Variants in CCSER1 observed in about 807,000 individuals in gnomAD.
CCSER1 encodes coiled-coil serine rich protein 1, also known as serine-rich coiled-coil domain-containing protein 1.
Under a neutral mutation model 82.0 loss-of-function variants are expected in CCSER1, and 41 were observed. The observed-to-expected ratio is 0.50, with a 90% CI of 0.39 to 0.65. CCSER1 has a LOEUF of 0.65. Among genes scored for constraint, CCSER1 ranks in the 30% least tolerant of loss-of-function variants. CCSER1 has a pLI of 0.00. For missense variants in CCSER1, 1,119 were observed against 1,064.2 expected (o/e 1.05, Z -0.72); for synonymous variants, 414 against 383.9 (o/e 1.08, Z -0.92).
chr4:90,779,184 T>C (rs749470083), intron 7 of CCSER1, among the ~76,000 whole-genome samples: 2 of 152,238 alleles, frequency 1.3e-5, no homozygotes, highest in Admixed American at 6.5e-5. Context: ...GTATTTCAAG[T>C]GCCATTCAAT....
At chr4:90,945,247 T>G (rs2150339356) in intron 9 of CCSER1, among the ~76,000 whole-genome samples, 1 of 152,224 alleles carries the variant, frequency 6.6e-6, no homozygotes, top group African/African-American at 2.4e-5. Context: ...TAATTTAAAT[T>G]TATATATCAT....
At chr4:90,365,809 A>T (rs371128906) in intron 3 of CCSER1, among the ~76,000 whole-genome samples, 2 of 151,912 alleles carry the variant, frequency 1.3e-5, no homozygotes, top group South Asian at 2.1e-4. Flanking sequence ...CTTGATAATC[A>T]TAATCGATAA....
At chr4:90,867,360 G>T (rs1007879759) in intron 8 of CCSER1, among the ~76,000 whole-genome samples, 1 of 151,898 alleles carries the variant, frequency 6.6e-6, no homozygotes, top group Non-Finnish European at 1.5e-5. Context: ...ATATTTAACC[G>T]CATTCAATTT....
Position 91,569,282 on chromosome 4 carries a change from T to C in CCSER1, c.2218-29290T>C, listed in dbSNP as rs557441055. On this transcript the variant is annotated intron_variant, in intron 10 of 10. Coordinates refer to ENST00000509176, the MANE Select transcript of CCSER1 (RefSeq NM_001145065.2). ...AAGTGTGGGTTCCTCTCCCCTTGAG[T>C]GCTGGCTGTAGATTGCAACTTGACA... Among the ~76,000 whole-genome samples, 3 of 152,190 alleles carry C rather than the reference T, an allele frequency of 2.0e-5. No individual in the cohort carries two copies. In the South Asian group the frequency reaches 6.2e-4, roughly 32 times the overall value.
chr4:90,146,552 A>T (rs1249923754), intron 1 of CCSER1, among the ~76,000 whole-genome samples: 1 of 152,066 alleles, frequency 6.6e-6, no homozygotes, highest in Non-Finnish European at 1.5e-5. Context: ...AAAGATACAC[A>T]TTAAATAATA....
chr4:90,891,451 ATTAT>A (rs1164307337), intron 8 of CCSER1, among the ~76,000 whole-genome samples: 2 of 151,668 alleles, frequency 1.3e-5, no homozygotes, highest in East Asian at 3.9e-4. Context: ...TAATTTTTAA[ATTAT>A]TTATAAGGAT....
At chr4:91,010,183 A>G (rs1738891002) in intron 9 of CCSER1, among the ~76,000 whole-genome samples, 1 of 152,090 alleles carries the variant, frequency 6.6e-6, no homozygotes, top group African/African-American at 2.4e-5. Flanking sequence ...CCCAAGTGGC[A>G]GGGTTTTTTT....
intron 10 of CCSER1, among the ~76,000 whole-genome samples, chr4:91,356,966 G>C (rs1205309114): frequency 6.6e-6 from 1 of 151,836 alleles, no homozygotes; most frequent in African/African-American, 2.4e-5. Flanking sequence ...GGGACAATCA[G>C]GGTCTCTAAC....
In CCSER1 at chr4:91,085,992, G is replaced by A; in HGVS notation, c.2215G>A (p.Glu739Lys). 1 of 1,522,642 alleles carries A rather than the reference G, an allele frequency of 6.6e-7. No individual in the cohort carries two copies. 94.3% of individuals were successfully genotyped at this position (1,522,642 alleles called of 1,614,324 possible). The change falls in exon 10 of 11, where the codon GAG (glutamate) becomes AAG (lysine). Residue 739 changes from glutamate (E) to lysine (K), a missense_variant and splice_region_variant. Glu to Lys is a moderately conservative substitution (Grantham distance 56, BLOSUM62 1). Transcript: ENST00000509176. ...KRLETVQGGR[E>K]ATYRNRIVSQ... ...ACTAGAGACAGTACAAGGAGGGAGA[G>A]AGGTAAGAATGTTTAAAGAAGAGGG...
intron 7 of CCSER1, among the ~76,000 whole-genome samples, chr4:90,796,706 G>T (rs1756092079): frequency 6.6e-6 from 1 of 152,066 alleles, no homozygotes; most frequent in Admixed American, 6.6e-5. Context: ...TTATTTCAAA[G>T]AACTTTCTGA....
intron 10 of CCSER1, among the ~76,000 whole-genome samples, chr4:91,133,866 C>T (rs974919907): frequency 3.3e-5 from 5 of 152,018 alleles, no homozygotes; most frequent in East Asian, 1.9e-4. Flanking sequence ...TTTGGGAGGC[C>T]GAGGCAGGCG....
chr4:90,956,429 A>G (rs2150364033), intron 9 of CCSER1, among the ~76,000 whole-genome samples: 1 of 152,296 alleles, frequency 6.6e-6, no homozygotes, highest in South Asian at 2.1e-4. Flanking sequence ...TGTGGGTGGC[A>G]TAGGTAGGTA....
intron 7 of CCSER1, among the ~76,000 whole-genome samples, chr4:90,745,061 C>T (rs1300768325): frequency 6.6e-6 from 1 of 151,968 alleles, no homozygotes; most frequent in Non-Finnish European, 1.5e-5. Flanking sequence ...TAAAACAGCA[C>T]ACATTTAGTA....
At chr4:91,184,063 G>T (rs1334053309) in intron 10 of CCSER1, among the ~76,000 whole-genome samples, 2 of 152,194 alleles carry the variant, frequency 1.3e-5, no homozygotes, top group Admixed American at 6.5e-5. Flanking sequence ...TATGAATTTT[G>T]TCAGGAGCTA....
At chr4:90,314,240 G>A (rs530640038) in intron 3 of CCSER1, among the ~76,000 whole-genome samples, 1 of 152,236 alleles carries the variant, frequency 6.6e-6, no homozygotes, top group Non-Finnish European at 1.5e-5. Context: ...TTGTACATAT[G>A]GAAACATATA....
chr4:90,772,373 G>A (rs918212204), intron 7 of CCSER1, among the ~76,000 whole-genome samples: 8 of 152,012 alleles, frequency 5.3e-5, no homozygotes, highest in Admixed American at 2.0e-4. Context: ...TTTGAGAGGT[G>A]ATGAGTGAGA....
At chr4:90,693,454 T>C (rs889167396) in intron 6 of CCSER1, 3 of 151,902 alleles carry the variant, frequency 2.0e-5, no homozygotes, top group African/African-American at 7.2e-5. Context: ...CTAGACTTTA[T>C]TTCATTCAGC....
chr4:91,403,332 CA>C (rs1752468247), intron 10 of CCSER1, among the ~76,000 whole-genome samples: 2 of 152,148 alleles, frequency 1.3e-5, no homozygotes, highest in Admixed American at 1.3e-4. Context: ...ACAATCTTGT[CA>C]TCTGCAAACA....
intron 5 of CCSER1, among the ~76,000 whole-genome samples, chr4:90,484,816 G>A (rs1050891978): frequency 2.0e-5 from 3 of 152,190 alleles, no homozygotes; most frequent in Middle Eastern, 3.2e-3. Flanking sequence ...TAGGCTACTC[G>A]GGGGTTAGGG....
Sources: allele counts gnomAD v4.1 joint callset (sites outside exome capture counted in the v4.1 genomes callset), GRCh38; gene constraint gnomAD v4.1.1; transcripts MANE v1.5; gene names NCBI Gene and HGNC (gene_info 2026-07-23, HGNC 2026-07-21).